CRACR2A: variants seen among roughly 807,000 people sequenced by gnomAD.
CRACR2A encodes the protein EF-hand calcium-binding domain-containing protein 4B.
CRACR2A carries 79 observed loss-of-function variants against 90.5 expected under a neutral mutation model. The observed-to-expected ratio is 0.87, with a 90% CI of 0.73 to 1.05. The LOEUF (loss-of-function observed/expected upper bound fraction) is 1.05, where lower values mean the gene tolerates loss of function less well. Ranked by LOEUF, CRACR2A falls within the 50% of genes least tolerant of loss-of-function variation. The pLI, the probability that CRACR2A is intolerant of heterozygous loss-of-function variation, is 0.00. For synonymous variants in CRACR2A, 338 were observed against 356.7 expected (o/e 0.95, Z 0.59); for missense variants, 823 against 897.2 (o/e 0.92, Z 1.06).
chr12:3,632,293 T>C (rs892799016), intron 15 of CRACR2A, among the ~76,000 whole-genome samples: 1 of 152,202 alleles, frequency 6.6e-6, no homozygotes, highest in African/African-American at 2.4e-5. Flanking sequence ...ATTAAACCTC[T>C]TTTCTTTATA....
intron 2 of CRACR2A, chr12:3,730,298 C>T (rs2137851496): frequency 6.6e-6 from 1 of 152,356 alleles, no homozygotes; most frequent in Admixed American, 6.5e-5. Context: ...AGTCAACGCT[C>T]AGGCTGAACG....
chr12:3,697,000 C>T lies in CRACR2A; in HGVS notation c.-1G>A, dbSNP rs532103925. The T allele has an allele frequency of 2.9e-4, 460 of 1,607,270 alleles. 6 individuals are homozygous for T. In the South Asian group the frequency reaches 3.6e-3, roughly 13 times the overall value. ...CTACCCTCCCGTCAGGGGCAGCCAT[C>T]GCGATTAGTCAGTTTCTTGAAGTCT... On this transcript the variant is annotated 5_prime_UTR_variant, in exon 4 of 20. Transcript: ENST00000440314.
At chr12:3,694,855 A>G (rs1435405363) in intron 4 of CRACR2A, among the ~76,000 whole-genome samples, 1 of 152,214 alleles carries the variant, frequency 6.6e-6, no homozygotes, top group Non-Finnish European at 1.5e-5. Context: ...TTAAGTAGAC[A>G]GCAGAAATAA....
At chr12:3,665,159 G>A (rs952111310) in intron 7 of CRACR2A, among the ~76,000 whole-genome samples, 1 of 152,264 alleles carries the variant, frequency 6.6e-6, no homozygotes, top group African/African-American at 2.4e-5. Context: ...GAGGGCAAGA[G>A]ACATGAGTTC....
At chr12:3,645,281 C>A (rs570839857) in intron 11 of CRACR2A, among the ~76,000 whole-genome samples, 1 of 152,254 alleles carries the variant, frequency 6.6e-6, no homozygotes, top group Non-Finnish European at 1.5e-5. Context: ...CTTGAAGGAG[C>A]GGGAGAAGCA....
chr12:3,627,217 G>T (rs980092840), intron 17 of CRACR2A, among the ~76,000 whole-genome samples: 1 of 152,188 alleles, frequency 6.6e-6, no homozygotes, highest in East Asian at 1.9e-4. Flanking sequence ...ATGAGGGCAG[G>T]GACTGTGTCT....
intron 7 of CRACR2A, among the ~76,000 whole-genome samples, chr12:3,667,901 G>GT (rs1945175983): frequency 6.6e-6 from 1 of 152,234 alleles, no homozygotes; most frequent in Non-Finnish European, 1.5e-5. Context: ...AAAGGAAAAC[G>GT]TAAGAGTTTG....
rs1041576316 is a variant in CRACR2A, at chr12:3,640,691, A to G, written c.1271+1041T>C. ...ATCTCCAGAGTCACTTCCGCTTTGC[A>G]TATCTTTTTCATTTCATGCTTGCAG... On this transcript the variant is annotated intron_variant, in intron 13 of 19. Coordinates refer to ENST00000440314, the MANE Select transcript of CRACR2A (RefSeq NM_001144958.2). The G allele has an allele frequency of 5.4e-6, 7 of 1,305,262 alleles. No homozygotes were observed. The African/African-American group carries it at 7.6e-5, about 14-fold the overall frequency. 80.9% of individuals were successfully genotyped at this position (1,305,262 alleles called of 1,614,324 possible). A position where few individuals can be genotyped will look rare whatever the true frequency, so the allele number is the denominator to read the frequency against.
At chr12:3,647,820 C>A (rs1944716899) in intron 11 of CRACR2A, 1 of 979,666 alleles carries the variant, frequency 1.0e-6, no homozygotes, top group African/African-American at 1.8e-5. Context: ...TCTGTTTCCT[C>A]ACCATTCCCC....
chr12:3,624,873 G>C lies in CRACR2A; in HGVS notation c.1932+2563C>G, dbSNP rs568196971. ...AGTCCTATATATGTTAGGGTTCAAGGAGCGCTTGTTTAGCCGGGAACAGTG... is the reference window on the plus strand; with the variant it reads ...AGTCCTATATATGTTAGGGTTCAAGCAGCGCTTGTTTAGCCGGGAACAGTG... On this transcript the variant is annotated intron_variant, in intron 17 of 19. Coordinates refer to ENST00000440314, the MANE Select transcript of CRACR2A (RefSeq NM_001144958.2). Among the ~76,000 whole-genome samples, 4 of 152,356 alleles carry C rather than the reference G, an allele frequency of 2.6e-5. No individual in the cohort carries two copies. The East Asian group carries it at 7.7e-4, about 29-fold the overall frequency.
At chr12:3,727,497 C>T (rs992603882) in intron 2 of CRACR2A, 3 of 152,186 alleles carry the variant, frequency 2.0e-5, no homozygotes, top group African/African-American at 7.2e-5. Context: ...CGCATGGGTT[C>T]CTTGCTTTGC....
At chr12:3,700,511 G>T (rs1469562855) in intron 3 of CRACR2A, among the ~76,000 whole-genome samples, 1 of 152,150 alleles carries the variant, frequency 6.6e-6, no homozygotes, top group Non-Finnish European at 1.5e-5. Flanking sequence ...ACTGTTAAAA[G>T]TAAAAGGCTG....
In CRACR2A at chr12:3,696,850, G is replaced by T. The variant is rs1441859539; in HGVS notation, c.150C>A (p.Val50=). The T allele has an allele frequency of 1.1e-5, 17 of 1,614,204 alleles. No individual in the cohort carries two copies. The highest frequency in any genetic ancestry group is 1.7e-5 in the Admixed American group (1 of 60,030). The change falls in exon 4 of 20, where the codon GTC becomes GTA. Residue 50 remains valine (V), a synonymous_variant. Coordinates refer to ENST00000440314, the MANE Select transcript of CRACR2A (RefSeq NM_001144958.2). ...ETQEQTSGQL[V]MLRKAQEFFQ... is the part of the protein sequence containing the mutation. ...AGAACTCCTGTGCCTTCCTCAGCAT[G>T]ACTAGCTGGCCCGACGTTTGCTCCT...
rs1166007550 is a variant in CRACR2A, at chr12:3,621,679, A to G, written c.1933-2307T>C. 4.3e-5 allele frequency among the ~76,000 whole-genome samples: 6 copies of G among 140,370 alleles called. No individual in the cohort carries two copies. The South Asian group carries it at 1.2e-3, about 27-fold the overall frequency. The allele number at this position is 140,370 out of a possible 152,430, so 92.1% of individuals were successfully genotyped here. Reference sequence around the variant, plus strand: ...AAAAAAAAAAAAAAAAAAAAAAAAAAAACCAAAGCAATTCCTGGATATAAA... The same window carrying G: ...AAAAAAAAAAAAAAAAAAAAAAAAAGAACCAAAGCAATTCCTGGATATAAA... On this transcript the variant is annotated intron_variant, in intron 17 of 19. Transcript: ENST00000440314.
chr12:3,677,027 A>C (rs1945347668), intron 6 of CRACR2A, among the ~76,000 whole-genome samples: 1 of 152,218 alleles, frequency 6.6e-6, no homozygotes, highest in South Asian at 2.1e-4. Context: ...AAGCTCACTA[A>C]GCTGCCAAAT....
chr12:3,693,611 T>C (rs1173087588), intron 4 of CRACR2A, among the ~76,000 whole-genome samples: 1 of 152,244 alleles, frequency 6.6e-6, no homozygotes, highest in Non-Finnish European at 1.5e-5. Context: ...GAATTTCTTC[T>C]CTTACGGTAT....
At chr12:3,716,094 A>G (rs2137788854) in intron 2 of CRACR2A, among the ~76,000 whole-genome samples, 1 of 150,894 alleles carries the variant, frequency 6.6e-6, no homozygotes. Flanking sequence ...TTTTTCTTCT[A>G]ATGCTTTGGC....
chr12:3,653,245 T>G (rs1944832883), intron 10 of CRACR2A, among the ~76,000 whole-genome samples: 1 of 152,112 alleles, frequency 6.6e-6, no homozygotes, highest in Non-Finnish European at 1.5e-5. Flanking sequence ...CCTCCCAAAG[T>G]GCTGGGATTA....
At position 3,633,896 on chromosome 12, in the gene CRACR2A, G is replaced by A. The variant is rs1480172452; in HGVS notation, c.1603-160C>T. 6.6e-6 allele frequency among the ~76,000 whole-genome samples: 1 copy of A among 152,212 alleles called. No homozygotes were observed. The highest frequency in any genetic ancestry group is 2.4e-5 in the African/African-American group (1 of 41,456). On this transcript the variant is annotated intron_variant, in intron 14 of 19. Transcript: ENST00000440314. The surrounding 1 kb of genome is among the most constrained non-coding windows in gnomAD (Gnocchi z 4.5). Reference sequence around the variant, plus strand: ...GGCTGCCACAGCCTCAGAATGCAGTGAGCATAGTCGGTCTTGGGGCATGGA... The same window carrying A: ...GGCTGCCACAGCCTCAGAATGCAGTAAGCATAGTCGGTCTTGGGGCATGGA...
Sources: gnomAD v4.1 joint callset for allele counts (sites outside exome capture counted in the v4.1 genomes callset) on GRCh38, gnomAD v4.1.1 for gene constraint, Gnocchi (gnomAD v3.1) non-coding constraint, MANE v1.5 for transcripts, NCBI Gene and HGNC (gene_info 2026-07-23, HGNC 2026-07-21) for gene names.